RIMS1: variants seen among roughly 807,000 people sequenced by gnomAD.
The protein encoded by RIMS1 is regulating synaptic membrane exocytosis 1.
A neutral mutation model predicts 214.1 loss-of-function variants in RIMS1; 83 were observed. That is an observed-to-expected ratio of 0.39 (90% CI 0.32 to 0.47). RIMS1 has a LOEUF of 0.47. RIMS1 is among the 20% of genes least tolerant of loss of function. RIMS1 has a pLI of 0.99. For synonymous variants in RIMS1, 793 were observed against 786.8 expected (o/e 1.01, Z -0.13); for missense variants, 2,050 against 2,161.8 (o/e 0.95, Z 1.03).
intron 2 of RIMS1, among the ~76,000 whole-genome samples, chr6:72,054,956 T>C (rs79160638): frequency 6.6e-6 from 1 of 152,344 alleles, no homozygotes; most frequent in African/African-American, 2.4e-5. Context: ...ACTTTGGCTT[T>C]TGTTGCAATT....
At chr6:72,283,664 C>A (rs954179476) in intron 23 of RIMS1, among the ~76,000 whole-genome samples, 27 of 152,234 alleles carry the variant, frequency 1.8e-4, no homozygotes, top group Non-Finnish European at 1.2e-4. Flanking sequence ...TGAAGCCTTT[C>A]AGCACCTAAA....
intron 2 of RIMS1, among the ~76,000 whole-genome samples, chr6:72,020,922 T>A (rs1468451324): frequency 1.1e-4 from 16 of 152,244 alleles, no homozygotes; most frequent in Admixed American, 1.0e-3. Context: ...TCTTTTAATA[T>A]GTTATCACTG....
At chr6:72,273,992 C>T (rs1478878174) in intron 22 of RIMS1, among the ~76,000 whole-genome samples, 2 of 151,996 alleles carry the variant, frequency 1.3e-5, no homozygotes, top group Non-Finnish European at 2.9e-5. Context: ...AAGCCATATT[C>T]CTAAAGATGC....
At position 72,177,303 on chromosome 6, in the gene RIMS1, G is replaced by A. The variant is rs944007152; in HGVS notation, c.472-2272G>A. On this transcript the variant is annotated intron_variant, in intron 4 of 33. Transcript: ENST00000521978. ...GTCTCGCTCTATCGTCCAGGCTGGAGAACAGTGGCGGGATCTCAGCTCACT... is the reference window on the plus strand; with the variant it reads ...GTCTCGCTCTATCGTCCAGGCTGGAAAACAGTGGCGGGATCTCAGCTCACT... Among the ~76,000 whole-genome samples, 8 of 152,268 alleles carry A rather than the reference G, an allele frequency of 5.3e-5. No individual in the cohort carries two copies. The East Asian group carries it at 1.5e-3, about 29-fold the overall frequency.
At chr6:72,061,657 C>T (rs1305286627) in intron 2 of RIMS1, among the ~76,000 whole-genome samples, 1 of 152,196 alleles carries the variant, frequency 6.6e-6, no homozygotes, top group African/African-American at 2.4e-5. Context: ...CCGGACCCTC[C>T]TCTAGTTTTC....
intron 2 of RIMS1, among the ~76,000 whole-genome samples, chr6:71,973,378 G>A (rs1416018023): frequency 2.0e-5 from 3 of 152,024 alleles, no homozygotes; most frequent in Non-Finnish European, 4.4e-5. Flanking sequence ...TTCTTATTTG[G>A]TCTTAAGGTC....
At chr6:71,919,340 C>T (rs1779321407) in intron 1 of RIMS1, among the ~76,000 whole-genome samples, 1 of 151,482 alleles carries the variant, frequency 6.6e-6, no homozygotes, top group Non-Finnish European at 1.5e-5. Flanking sequence ...AGGAAAATGG[C>T]AAAATTTTGA....
chr6:72,347,551 T>A (rs2097307512), intron 29 of RIMS1, among the ~76,000 whole-genome samples: 1 of 151,104 alleles, frequency 6.6e-6, no homozygotes, highest in Admixed American at 6.6e-5. Context: ...GAAACCAATG[T>A]GATGTATGTA....
intron 1 of RIMS1, among the ~76,000 whole-genome samples, chr6:71,950,928 G>A (rs6924529): frequency 0.017 from 2,638 of 152,036 alleles, 76 homozygotes; most frequent in African/African-American, 0.058. Flanking sequence ...GTATTTTATT[G>A]GGCTGCCTTG....
At chr6:72,251,433 T>A (rs2073255720) in intron 15 of RIMS1, 65 bp downstream of exon 15, 1 of 1,221,406 alleles carries the variant, frequency 8.2e-7, no homozygotes, top group African/African-American at 1.5e-5. Context: ...TAGTGATTAA[T>A]AATTCAAGAT....
chr6:72,261,102 T>C, intron 19 of RIMS1: 4 of 1,191,670 alleles, frequency 3.4e-6, no homozygotes, highest in Non-Finnish European at 4.2e-6. Flanking sequence ...CCCACACATA[T>C]TCCTGTCTAG....
At chr6:71,954,561 T>C (rs1357977221) in intron 1 of RIMS1, among the ~76,000 whole-genome samples, 1 of 152,198 alleles carries the variant, frequency 6.6e-6, no homozygotes, top group Non-Finnish European at 1.5e-5. Flanking sequence ...AGTGTATTAA[T>C]TATTTGACTT....
chr6:72,152,005 C>G (rs2043665319), intron 4 of RIMS1, among the ~76,000 whole-genome samples: 1 of 152,016 alleles, frequency 6.6e-6, no homozygotes, highest in African/African-American at 2.4e-5. Context: ...AGAGAGCTCT[C>G]CCATGAACTC....
At chr6:72,345,181 A>T (rs1276801657) in intron 29 of RIMS1, among the ~76,000 whole-genome samples, 2 of 151,708 alleles carry the variant, frequency 1.3e-5, no homozygotes, top group Non-Finnish European at 2.9e-5. Context: ...TTTAATTCAG[A>T]GTGTTTTTTC....
chr6:72,123,278 T>G (rs2449418), intron 4 of RIMS1, among the ~76,000 whole-genome samples: 149,828 of 151,890 alleles, frequency 0.99, 73,933 homozygotes, highest in South Asian at 1. Context: ...GTAGTTGAGC[T>G]GTTTTGAGTG....
chr6:72,337,544 T>G (rs1441529272), intron 29 of RIMS1, among the ~76,000 whole-genome samples: 2 of 151,828 alleles, frequency 1.3e-5, no homozygotes, highest in African/African-American at 2.4e-5. Context: ...CACAAGAAAC[T>G]TATGAAATGT....
At chr6:72,164,209 C>G (rs1166189250) in intron 4 of RIMS1, among the ~76,000 whole-genome samples, 2 of 152,184 alleles carry the variant, frequency 1.3e-5, no homozygotes, top group Non-Finnish European at 2.9e-5. Flanking sequence ...GATATAATCT[C>G]CTGGTGTGCC....
chr6:71,965,304 T>TG (rs936193785), intron 1 of RIMS1, among the ~76,000 whole-genome samples: 1 of 152,160 alleles, frequency 6.6e-6, no homozygotes, highest in African/African-American at 2.4e-5. Flanking sequence ...GGTTTTTTTT[T>TG]GGGAGGGAGG....
chr6:72,138,167 A>G (rs1316644346), intron 4 of RIMS1, among the ~76,000 whole-genome samples: 1 of 152,178 alleles, frequency 6.6e-6, no homozygotes, highest in South Asian at 2.1e-4. Context: ...TCTATGATAC[A>G]TTTTTATCTA....
Sources: gnomAD v4.1 joint callset for allele counts (sites outside exome capture counted in the v4.1 genomes callset) on GRCh38, gnomAD v4.1.1 for gene constraint, MANE v1.5 for transcripts, NCBI Gene and HGNC (gene_info 2026-07-23, HGNC 2026-07-21) for gene names.